HS6ST3: variants seen among roughly 807,000 people sequenced by gnomAD.
HS6ST3 encodes the protein heparan-sulfate 6-O-sulfotransferase 3.
HS6ST3 carries 12 observed loss-of-function variants against 36.7 expected under a neutral mutation model. That is an observed-to-expected ratio of 0.33 (90% CI 0.21 to 0.53). The LOEUF (loss-of-function observed/expected upper bound fraction) is 0.53, where lower values mean the gene tolerates loss of function less well. Ranked by LOEUF, HS6ST3 falls within the 20% of genes least tolerant of loss-of-function variation. HS6ST3 has a pLI of 0.95. For synonymous variants in HS6ST3, 240 were observed against 257.5 expected, an observed-to-expected ratio of 0.93 and a Z score of 0.65; for missense variants, 584 against 640.9, an observed-to-expected ratio of 0.91 and a Z score of 0.96.
Position 96,832,285 on chromosome 13 carries a change from C to T in HS6ST3, c.708-205C>T, listed in dbSNP as rs75407965. On this transcript the variant is annotated intron_variant, in intron 1 of 1. Coordinates refer to ENST00000376705, the MANE Select transcript of HS6ST3 (RefSeq NM_153456.4). ...CACACTGGAGCAAGGAGGAAAAGCC[C>T]AACAAACTCAGTATTGAAAATTGGT... Among the ~76,000 whole-genome samples the T allele has an allele frequency of 7.6e-3, 1,154 of 152,204 alleles. 16 individuals carry two copies. The highest frequency in any genetic ancestry group is 0.027 in the African/African-American group (1,107 of 41,514).
At chr13:96,570,949 T>A (rs193143287) in intron 1 of HS6ST3, among the ~76,000 whole-genome samples, 27 of 152,216 alleles carry the variant, frequency 1.8e-4, no homozygotes, top group Admixed American at 1.6e-3. Context: ...GAATTCTGTG[T>A]GTGGATGAGA....
chr13:96,589,328 T>A (rs564069908), intron 1 of HS6ST3, among the ~76,000 whole-genome samples: 2 of 152,220 alleles, frequency 1.3e-5, no homozygotes, highest in African/African-American at 4.8e-5. Flanking sequence ...TAATTTTTTA[T>A]GTATAATTGT....
At chr13:96,517,074 G>A (rs1240809873) in intron 1 of HS6ST3, among the ~76,000 whole-genome samples, 1 of 152,118 alleles carries the variant, frequency 6.6e-6, no homozygotes, top group Non-Finnish European at 1.5e-5. Context: ...AAATTCCATT[G>A]GCTGAAGAAA....
chr13:96,407,693 G>A (rs536986951), intron 1 of HS6ST3, among the ~76,000 whole-genome samples: 5 of 152,212 alleles, frequency 3.3e-5, no homozygotes, highest in South Asian at 2.1e-4. Flanking sequence ...AATTGTCCTC[G>A]TCCATGGAGA....
intron 1 of HS6ST3, among the ~76,000 whole-genome samples, chr13:96,445,697 G>A (rs1355191828): frequency 6.6e-6 from 1 of 151,320 alleles, no homozygotes; most frequent in Non-Finnish European, 1.5e-5. Context: ...TGAAATCCCC[G>A]TCTCTACTAA....
intron 1 of HS6ST3, among the ~76,000 whole-genome samples, chr13:96,589,669 C>T (rs1022057637): frequency 6.6e-6 from 1 of 151,968 alleles, no homozygotes; most frequent in African/African-American, 2.4e-5. Flanking sequence ...TTGCTATAAA[C>T]ATCCCTCATA....
Position 96,365,493 on chromosome 13 carries a change from T to C in HS6ST3, c.707+273924T>C, listed in dbSNP as rs566434927. Among the ~76,000 whole-genome samples the C allele has an allele frequency of 4.6e-5, 7 of 152,340 alleles. 1 individual carries two copies. The highest frequency in any genetic ancestry group is 1.7e-4 in the African/African-American group (7 of 41,570). On this transcript the variant is annotated intron_variant, in intron 1 of 1. Transcript: ENST00000376705. ...TTTATCCTATTTTTTCTCTTTTTTT[T>C]CTGCTCCATCTTAGGCATTGAGATG... is the stretch of plus-strand genomic sequence containing the variant.
At chr13:96,296,232 A>G (rs2054854564) in intron 1 of HS6ST3, among the ~76,000 whole-genome samples, 1 of 152,122 alleles carries the variant, frequency 6.6e-6, no homozygotes, top group South Asian at 2.1e-4. Flanking sequence ...ACTGACCTAT[A>G]CACTACAGAG....
At chr13:96,276,436 G>A (rs1050855908) in intron 1 of HS6ST3, among the ~76,000 whole-genome samples, 16 of 152,106 alleles carry the variant, frequency 1.1e-4, no homozygotes, top group Non-Finnish European at 2.1e-4. Context: ...ACCTGACTGG[G>A]AGCACTAGCT....
chr13:96,647,442 C>CT (rs1436982108), intron 1 of HS6ST3, among the ~76,000 whole-genome samples: 2 of 151,998 alleles, frequency 1.3e-5, no homozygotes, highest in African/African-American at 4.8e-5. Flanking sequence ...TGCACCCATC[C>CT]TTTCCTAATG....
intron 1 of HS6ST3, among the ~76,000 whole-genome samples, chr13:96,146,262 C>T (rs1023245911): frequency 5.3e-5 from 8 of 152,094 alleles, no homozygotes; most frequent in Non-Finnish European, 7.4e-5. Flanking sequence ...GCCATTTTCA[C>T]GATATTGATT....
At chr13:96,363,675 C>G (rs1037973439) in intron 1 of HS6ST3, among the ~76,000 whole-genome samples, 8 of 151,944 alleles carry the variant, frequency 5.3e-5, no homozygotes, top group Non-Finnish European at 1.0e-4. Context: ...ACAAAACACC[C>G]CTTCATCCCA....
At chr13:96,243,727 T>C (rs1265581361) in intron 1 of HS6ST3, among the ~76,000 whole-genome samples, 2 of 152,196 alleles carry the variant, frequency 1.3e-5, no homozygotes, top group Non-Finnish European at 2.9e-5. Context: ...TTGGAAGGCA[T>C]TAGATGCTCT....
chr13:96,670,434 G>A (rs1369496623), intron 1 of HS6ST3, among the ~76,000 whole-genome samples: 2 of 152,074 alleles, frequency 1.3e-5, no homozygotes, highest in Non-Finnish European at 2.9e-5. Context: ...AGAGGGGATC[G>A]TGAGATCAAG....
At chr13:96,686,622 G>A (rs1055155606) in intron 1 of HS6ST3, among the ~76,000 whole-genome samples, 1 of 151,908 alleles carries the variant, frequency 6.6e-6, no homozygotes, top group Non-Finnish European at 1.5e-5. Context: ...TATGACAGCG[G>A]GCCTATGTGT....
At chr13:96,281,876 G>T (rs1256602467) in intron 1 of HS6ST3, among the ~76,000 whole-genome samples, 1 of 152,134 alleles carries the variant, frequency 6.6e-6, no homozygotes, top group Non-Finnish European at 1.5e-5. Context: ...ATTACTTGTA[G>T]TCAATGCTAC....
chr13:96,624,908 G>C (rs1400851662), intron 1 of HS6ST3, among the ~76,000 whole-genome samples: 1 of 151,818 alleles, frequency 6.6e-6, no homozygotes, highest in Non-Finnish European at 1.5e-5. Flanking sequence ...AGAGATTTTT[G>C]AGCCAGTGTT....
At chr13:96,498,051 G>C (rs746377310) in intron 1 of HS6ST3, among the ~76,000 whole-genome samples, 1 of 152,188 alleles carries the variant, frequency 6.6e-6, no homozygotes, top group Non-Finnish European at 1.5e-5. Context: ...AAGTCTGGAT[G>C]CTTTTACAGG....
chr13:96,123,673 C>A (rs1175693554), intron 1 of HS6ST3, among the ~76,000 whole-genome samples: 1 of 152,066 alleles, frequency 6.6e-6, no homozygotes, highest in Non-Finnish European at 1.5e-5. Flanking sequence ...TTGAATATGA[C>A]CAGAGTAGAT....
Sources: allele counts gnomAD v4.1 joint callset (sites outside exome capture counted in the v4.1 genomes callset), GRCh38; gene constraint gnomAD v4.1.1; transcripts MANE v1.5; gene names NCBI Gene and HGNC (gene_info 2026-07-23, HGNC 2026-07-21).